DLG2: variants seen among roughly 807,000 people sequenced by gnomAD.
The protein encoded by DLG2 is disks large homolog 2.
Under a neutral mutation model 132.5 loss-of-function variants are expected in DLG2, and 45 were observed. The observed-to-expected ratio is 0.34, with a 90% confidence interval of 0.27 to 0.44. DLG2 has a LOEUF of 0.44. Ranked by LOEUF, DLG2 falls within the 20% of genes least tolerant of loss-of-function variation. The probability of loss-of-function intolerance (pLI) is 1.00; values close to 1 mark genes in which losing one functional copy is unlikely to be tolerated. For synonymous variants in DLG2, 424 were observed against 419.6 expected (o/e 1.01, Z -0.13); for missense variants, 1,045 against 1,196.9 (o/e 0.87, Z 1.87).
intron 6 of DLG2, among the ~76,000 whole-genome samples, chr11:84,569,097 T>G (rs754623061): frequency 2.0e-5 from 3 of 152,278 alleles, no homozygotes; most frequent in Middle Eastern, 3.4e-3. Context: ...GTGGTCTCAC[T>G]GAACAACAGA....
At chr11:84,417,046 C>A (rs1198474841) in intron 7 of DLG2, among the ~76,000 whole-genome samples, 1 of 152,116 alleles carries the variant, frequency 6.6e-6, no homozygotes, top group African/African-American at 2.4e-5. Context: ...CACAGAAATG[C>A]AGATTCCATG....
At chr11:83,676,334 A>AT (rs2077685026) in intron 18 of DLG2, among the ~76,000 whole-genome samples, 1 of 152,120 alleles carries the variant, frequency 6.6e-6, no homozygotes, top group Non-Finnish European at 1.5e-5. Flanking sequence ...ACCAAAAGGG[A>AT]TTTCTTAACA....
chr11:83,820,830 T>G (rs967718151), intron 17 of DLG2, among the ~76,000 whole-genome samples: 2 of 152,184 alleles, frequency 1.3e-5, no homozygotes, highest in African/African-American at 4.8e-5. Flanking sequence ...TATTTAGTTA[T>G]TCTCTGGTAA....
intron 8 of DLG2, among the ~76,000 whole-genome samples, chr11:84,166,151 A>T (rs1375125219): frequency 6.6e-6 from 1 of 152,196 alleles, no homozygotes. Context: ...AAGGACTCCT[A>T]AGACAAGAAA....
At chr11:85,062,497 T>C (rs1184162970) in intron 6 of DLG2, among the ~76,000 whole-genome samples, 1 of 151,578 alleles carries the variant, frequency 6.6e-6, no homozygotes, top group East Asian at 1.9e-4. Context: ...AAACATTGTG[T>C]TAAATATTTT....
intron 12 of DLG2, among the ~76,000 whole-genome samples, chr11:83,975,469 C>T: frequency 6.6e-6 from 1 of 151,946 alleles, no homozygotes; most frequent in Non-Finnish European, 1.5e-5. Flanking sequence ...CATTAAACAT[C>T]AGAGTGGTCT....
chr11:83,838,511 CG>C (rs2056800819), intron 16 of DLG2, among the ~76,000 whole-genome samples: 1 of 152,130 alleles, frequency 6.6e-6, no homozygotes, highest in African/African-American at 2.4e-5. Context: ...GTCTAGAATA[CG>C]GTATATACCA....
chr11:84,733,273 C>T (rs1003862557), intron 6 of DLG2, among the ~76,000 whole-genome samples: 2 of 152,148 alleles, frequency 1.3e-5, no homozygotes, highest in Non-Finnish European at 2.9e-5. Flanking sequence ...TAAGAGTGTT[C>T]CTATTTCTGC....
Position 85,147,130 on chromosome 11 carries a change from C to T in DLG2, c.282+7426G>A, listed in dbSNP as rs571573211. Among the ~76,000 whole-genome samples the T allele has an allele frequency of 2.0e-5, 3 of 152,280 alleles. No homozygotes were observed. In the East Asian group the frequency reaches 5.8e-4, roughly 29 times the overall value. On this transcript the variant is annotated intron_variant, in intron 5 of 27. Coordinates refer to ENST00000376104, the MANE Select transcript of DLG2 (RefSeq NM_001142699.3). ...GGCAATGCGAAACTGTCTTTCCTACCTTCTTTAGTGTCTCTTTCCTTGATA... is the reference window on the plus strand; with the variant it reads ...GGCAATGCGAAACTGTCTTTCCTACTTTCTTTAGTGTCTCTTTCCTTGATA...
chr11:83,982,480 T>TAAAAAAAA (rs58418988), intron 11 of DLG2, among the ~76,000 whole-genome samples: 3 of 68,582 alleles, frequency 4.4e-5, no homozygotes, highest in African/African-American at 4.8e-5. Context: ...GTTTAACGTG[T>TAAAAAAAA]AAAAAAAAAA....
intron 6 of DLG2, among the ~76,000 whole-genome samples, chr11:84,569,330 T>G (rs923865330): frequency 6.6e-6 from 1 of 151,988 alleles, no homozygotes; most frequent in Non-Finnish European, 1.5e-5. Flanking sequence ...ACAAAAGGAT[T>G]AGGAAAAATC....
At chr11:83,576,492 G>A (rs1234262197) in intron 19 of DLG2, among the ~76,000 whole-genome samples, 1 of 151,968 alleles carries the variant, frequency 6.6e-6, no homozygotes, top group Non-Finnish European at 1.5e-5. Flanking sequence ...AAACAGCTTA[G>A]TAGCACTAAT....
At chr11:83,954,466 TC>T (rs964720375) in intron 14 of DLG2, among the ~76,000 whole-genome samples, 7 of 152,048 alleles carry the variant, frequency 4.6e-5, no homozygotes, top group Admixed American at 2.0e-4. Flanking sequence ...TTTGTCTCAC[TC>T]CCCCCTTTCA....
At chr11:85,119,521 C>T (rs1033652419) in intron 5 of DLG2, among the ~76,000 whole-genome samples, 22 of 151,848 alleles carry the variant, frequency 1.4e-4, no homozygotes, top group African/African-American at 4.8e-4. Flanking sequence ...ATGAGAAAAA[C>T]GGAATGGGCT....
intron 3 of DLG2, among the ~76,000 whole-genome samples, chr11:85,403,667 T>C (rs1033109997): frequency 6.6e-6 from 1 of 151,856 alleles, no homozygotes; most frequent in African/African-American, 2.4e-5. Context: ...AGATGTATGA[T>C]ATCACGTTTT....
intron 18 of DLG2, among the ~76,000 whole-genome samples, chr11:83,633,581 G>A (rs539588380): frequency 5.9e-5 from 9 of 152,168 alleles, no homozygotes; most frequent in Non-Finnish European, 1.0e-4. Context: ...AAAAGTCCAT[G>A]GGGGCTGGGA....
chr11:85,450,692 C>T (rs187969722), intron 3 of DLG2, among the ~76,000 whole-genome samples: 133 of 152,296 alleles, frequency 8.7e-4, no homozygotes, highest in African/African-American at 3.1e-3. Context: ...GGCTTTTACT[C>T]TCATCATTAC....
chr11:83,561,883 C>CTTTTTTT lies in DLG2; in HGVS notation c.1941-20032_1941-20026dup, dbSNP rs66514406. 7.5e-4 allele frequency among the ~76,000 whole-genome samples: 66 copies of CTTTTTTT among 87,934 alleles called. 1 individual carries two copies. The highest frequency in any genetic ancestry group is 8.7e-4 in the African/African-American group (19 of 21,734). 57.7% of individuals were successfully genotyped at this position (87,934 alleles called of 152,430 possible). A position where few individuals can be genotyped will look rare whatever the true frequency, so the allele number is the denominator to read the frequency against. Reference sequence around the variant, plus strand: ...GCAAAGTTTGACTTAGTATTTCTTTCTTTTTTTTTTTTTTTTTTTTTTTTG... The same window carrying CTTTTTTT: ...GCAAAGTTTGACTTAGTATTTCTTTCTTTTTTTTTTTTTTTTTTTTTTTTTTTTTTTG... On this transcript the variant is annotated intron_variant, in intron 19 of 27. Coordinates refer to ENST00000376104, the MANE Select transcript of DLG2 (RefSeq NM_001142699.3).
chr11:84,499,468 T>C (rs2099195920), intron 7 of DLG2, among the ~76,000 whole-genome samples: 1 of 152,190 alleles, frequency 6.6e-6, no homozygotes, highest in Admixed American at 6.5e-5. Context: ...GTGCTATATA[T>C]ATTACAAGTG....
Sources: allele counts gnomAD v4.1 joint callset (sites outside exome capture counted in the v4.1 genomes callset), GRCh38; gene constraint gnomAD v4.1.1; transcripts MANE v1.5; gene names NCBI Gene and HGNC (gene_info 2026-07-23, HGNC 2026-07-21).